Variants in TXNDC11 observed in about 807,000 individuals in gnomAD.
The protein encoded by TXNDC11 is thioredoxin domain-containing protein 11.
A neutral mutation model predicts 78.0 loss-of-function variants in TXNDC11; 68 were observed. The observed-to-expected ratio is 0.87, with a 90% CI of 0.72 to 1.07. The LOEUF (loss-of-function observed/expected upper bound fraction) is 1.07. Among genes scored for constraint, TXNDC11 ranks in the 50% least tolerant of loss-of-function variants. The pLI, the probability that TXNDC11 is intolerant of heterozygous loss-of-function variation, is 0.00. For synonymous variants in TXNDC11, 571 were observed against 495.2 expected, an observed-to-expected ratio of 1.15 and a Z score of -2.03; for missense variants, 1,389 against 1,221.8, an observed-to-expected ratio of 1.14 and a Z score of -2.04.
In TXNDC11 at chr16:11,700,550, C is replaced by T. The variant is rs1325695958; in HGVS notation, c.808G>A (p.Val270Ile). ...TTATTTGTGATAACCCCAAATCGTA[C>T]TGTTCCTAGGTAATCTGAAACAGAA... Reference protein sequence around the residue: ...HSLKKDYLGTVRFGVITNKHL... With the variant: ...HSLKKDYLGTIRFGVITNKHL... Residue 270 changes from valine (V) to isoleucine (I), a missense_variant, in exon 6 of 12, where the codon GTA (valine) becomes ATA (isoleucine). Val to Ile is a conservative substitution (Grantham distance 29). Transcript: ENST00000283033. The T allele has an allele frequency of 3.1e-6, 5 of 1,593,806 alleles. No individual in the cohort carries two copies. The highest frequency in any genetic ancestry group is 4.3e-6 in the Non-Finnish European group (5 of 1,161,922).
intron 5 of TXNDC11, among the ~76,000 whole-genome samples, chr16:11,720,803 G>A (rs142886136): frequency 8.9e-4 from 135 of 151,668 alleles, no homozygotes; most frequent in African/African-American, 2.6e-3. Flanking sequence ...GTGCAGTGGC[G>A]CGATCTCGGT....
chr16:11,683,032 TC>T (rs750288625), intron 11 of TXNDC11, among the ~76,000 whole-genome samples: 7 of 152,116 alleles, frequency 4.6e-5, no homozygotes, highest in Non-Finnish European at 8.8e-5. Context: ...GCAGACACTT[TC>T]CCCTGGAGAG....
chr16:11,721,083 A>G (rs776693479), intron 5 of TXNDC11, among the ~76,000 whole-genome samples: 6 of 152,026 alleles, frequency 3.9e-5, no homozygotes, highest in Admixed American at 6.6e-5. Context: ...GCGAGACTAT[A>G]TGTGAAACAG....
intron 5 of TXNDC11, among the ~76,000 whole-genome samples, chr16:11,707,959 C>G (rs2051232745): frequency 6.6e-6 from 1 of 151,844 alleles, no homozygotes; most frequent in African/African-American, 2.4e-5. Context: ...TGATGTAAGC[C>G]TATAGTCCTA....
chr16:11,701,934 C>T (rs2051037726), intron 5 of TXNDC11, among the ~76,000 whole-genome samples: 1 of 151,724 alleles, frequency 6.6e-6, no homozygotes, highest in African/African-American at 2.4e-5. Context: ...AGGATATTCA[C>T]CAAGAAACAT....
Position 11,679,427 on chromosome 16 carries a change from T to A in TXNDC11, c.2645A>T (p.Asp882Val). The A allele has an allele frequency of 6.2e-7, 1 of 1,613,590 alleles. No homozygotes were observed. The highest frequency in any genetic ancestry group is 8.5e-7 in the Non-Finnish European group (1 of 1,179,920). Reference protein sequence around the residue: ...ELARKLQELADASENLLTENT... With the variant: ...ELARKLQELAVASENLLTENT... ...CTCGGTAAGGAGGTTTTCTGAGGCATCGGCCAGCTCCTGCAGCTTGCGGGC... is the reference window on the plus strand; with the variant it reads ...CTCGGTAAGGAGGTTTTCTGAGGCAACGGCCAGCTCCTGCAGCTTGCGGGC... Residue 882 changes from aspartate (D) to valine (V), a missense_variant, in exon 12 of 12, where the codon GAT (aspartate) becomes GTT (valine). By Grantham distance (152) the Asp-to-Val change is radical (BLOSUM62 -3). Coordinates refer to ENST00000283033, the MANE Select transcript of TXNDC11 (RefSeq NM_015914.7). The surrounding 1 kb of genome is among the most constrained non-coding windows in gnomAD (Gnocchi z 4.6).
chr16:11,679,278 G>A lies in TXNDC11; in HGVS notation c.2794C>T (p.Gln932Ter), dbSNP rs889166513. Residue 932 changes from glutamine to a stop codon, truncating the protein, a stop_gained, in exon 12 of 12, where the codon CAG becomes TAG. Transcript: ENST00000283033. LOFTEE classifies it low-confidence loss of function (END_TRUNC). This position sits in a 1 kb window ranked among gnomAD's most constrained non-coding sequence, Gnocchi z 4.6. The part of the protein sequence containing the change: ...PKQPEPSATP[Q>*]LPGSSPPPAN... ...GGTGGAGGGGAGCTGCCAGGGAGCT[G>A]GGGGGTGGCTGAGGGCTCAGGCTGC... is the stretch of plus-strand genomic sequence containing the variant. The A allele has an allele frequency of 1.2e-6, 2 of 1,612,138 alleles. No homozygotes were observed. Among genetic ancestry groups the A allele is most frequent in the Non-Finnish European group, 8.5e-7 (1 of 1,179,786 alleles).
At chr16:11,706,067 C>T (rs750258300) in intron 5 of TXNDC11, among the ~76,000 whole-genome samples, 1 of 152,132 alleles carries the variant, frequency 6.6e-6, no homozygotes, top group Non-Finnish European at 1.5e-5. Flanking sequence ...ACTCTCCCCT[C>T]CTCTACTCAA....
rs556395086 is a variant in TXNDC11 at position 11,730,882 on chromosome 16, T to G, written c.570-108A>C. On this transcript the variant is annotated intron_variant, in intron 3 of 11. Coordinates refer to ENST00000283033, the MANE Select transcript of TXNDC11 (RefSeq NM_015914.7). ...ATCACCACCACAAAATGAAAGTGTC[T>G]TGCTTTGGGATCCAACCAAGTCACA... The G allele has an allele frequency of 3.9e-5, 34 of 879,326 alleles. No homozygotes were observed. The African/African-American group carries it at 4.0e-4, about 10-fold the overall frequency. The allele number at this position is 879,326 out of a possible 1,614,324, so 54.5% of individuals were successfully genotyped here. A position where few individuals can be genotyped will look rare whatever the true frequency, so the allele number is the denominator to read the frequency against.
intron 5 of TXNDC11, among the ~76,000 whole-genome samples, chr16:11,708,561 T>C (rs1039732435): frequency 2.0e-5 from 3 of 152,224 alleles, no homozygotes; most frequent in Non-Finnish European, 4.4e-5. Flanking sequence ...TGGAGACTTC[T>C]GCATGAGCTC....
At chr16:11,698,618 A>C (rs2050924446) in intron 6 of TXNDC11, among the ~76,000 whole-genome samples, 1 of 152,258 alleles carries the variant, frequency 6.6e-6, no homozygotes, top group African/African-American at 2.4e-5. Context: ...GCTGGTGGCG[A>C]TAACAACCTC....
At chr16:11,734,542 TCGC>T in intron 2 of TXNDC11, among the ~76,000 whole-genome samples, 1 of 152,304 alleles carries the variant, frequency 6.6e-6, no homozygotes. Context: ...GCTGACAGCA[TCGC>T]CTTGCAAAGT....
intron 4 of TXNDC11, among the ~76,000 whole-genome samples, chr16:11,729,185 C>T (rs1422627247): frequency 6.6e-6 from 1 of 152,182 alleles, no homozygotes; most frequent in Admixed American, 6.5e-5. Flanking sequence ...GATACCCTGG[C>T]CCAGGCCCCT....
chr16:11,716,214 T>C (rs986205635), intron 5 of TXNDC11, among the ~76,000 whole-genome samples: 3 of 152,242 alleles, frequency 2.0e-5, no homozygotes, highest in African/African-American at 7.2e-5. Flanking sequence ...GCAAGTCCTT[T>C]TGTAGATCAG....
At chr16:11,688,261 G>A in intron 9 of TXNDC11, 42 bp downstream of exon 9, 18 of 1,596,526 alleles carry the variant, frequency 1.1e-5, no homozygotes, top group Non-Finnish European at 1.5e-5. Flanking sequence ...ATTATTTTAA[G>A]AGGGACAGAT....
chr16:11,714,639 C>CAA lies in TXNDC11; in HGVS notation c.793+6936_793+6937dup, dbSNP rs200245176. On this transcript the variant is annotated intron_variant, in intron 5 of 11. Coordinates refer to ENST00000283033, the MANE Select transcript of TXNDC11 (RefSeq NM_015914.7). ...TGGGCGACAAAGCAAGACTCCGTCT[C>CAA]AAAAAAAAAAAAAATTTCCAATCTG... 8.7e-5 allele frequency among the ~76,000 whole-genome samples: 12 copies of CAA among 138,050 alleles called. 1 individual carries two copies. The highest frequency in any genetic ancestry group is 2.3e-4 in the South Asian group (1 of 4,424). 90.6% of individuals were successfully genotyped at this position (138,050 alleles called of 152,430 possible). A position where few individuals can be genotyped will look rare whatever the true frequency, so the allele number is the denominator to read the frequency against.
In TXNDC11 at chr16:11,687,861, C is replaced by T; in HGVS notation, c.2149G>A (p.Ala717Thr). ...CTGCAGAAGAGGCCTGCTTACCTTG[C>T]CACAGTGAATGTGTCCATGGGCAGG... ...RNLPMDTFTVARIDVSQNDLP... is the reference protein window; with the variant it reads ...RNLPMDTFTVTRIDVSQNDLP... Residue 717 changes from alanine to threonine, a missense_variant, in exon 10 of 12, where the codon GCA (alanine) becomes ACA (threonine). Ala to Thr is a moderately conservative substitution (Grantham distance 58). Transcript: ENST00000283033. 1 of 1,610,946 alleles carries T rather than the reference C, an allele frequency of 6.2e-7. No homozygotes were observed. Among genetic ancestry groups the T allele is most frequent in the Non-Finnish European group, 8.5e-7 (1 of 1,177,512 alleles).
intron 5 of TXNDC11, chr16:11,703,822 T>G (rs777928118): frequency 3.4e-5 from 23 of 679,496 alleles, no homozygotes; most frequent in Non-Finnish European, 5.7e-5. Context: ...CTGGGCATGG[T>G]GGCTCACGCC....
At chr16:11,700,163 T>C (rs1233308994) in intron 6 of TXNDC11, among the ~76,000 whole-genome samples, 1 of 152,096 alleles carries the variant, frequency 6.6e-6, no homozygotes, top group African/African-American at 2.4e-5. Context: ...TTCAAGAGAG[T>C]AACTCTGCAA....
Sources: gnomAD v4.1 joint callset for allele counts (sites outside exome capture counted in the v4.1 genomes callset) on GRCh38, gnomAD v4.1.1 for gene constraint, Gnocchi (gnomAD v3.1) non-coding constraint, MANE v1.5 for transcripts, NCBI Gene and HGNC (gene_info 2026-07-23, HGNC 2026-07-21) for gene names.